The following MAML3 variants were observed in gnomAD, a reference collection of about 807,000 sequenced individuals.
MAML3 encodes the protein mastermind-like protein 3.
A neutral mutation model predicts 101.9 loss-of-function variants in MAML3; 27 were observed. The ratio of observed to expected loss-of-function variants is 0.27; its 90% CI spans 0.20 to 0.37. MAML3 has a LOEUF of 0.37. MAML3 is among the 10% of genes least tolerant of loss of function. The pLI is 1.00. For synonymous variants in MAML3, 501 were observed against 555.9 expected (o/e 0.90, Z 1.39); for missense variants, 1,316 against 1,444.9 (o/e 0.91, Z 1.45).
intron 2 of MAML3, among the ~76,000 whole-genome samples, chr4:139,746,970 ACCGGCC>A (rs1182821610): frequency 6.6e-6 from 1 of 152,082 alleles, no homozygotes; most frequent in Non-Finnish European, 1.5e-5. Context: ...ATTGTGGGCC[ACCGGCC>A]GTGGCTTTCC....
intron 1 of MAML3, among the ~76,000 whole-genome samples, chr4:139,948,140 T>TAAATAAATAAA (rs1412882544): frequency 1.0e-5 from 1 of 98,414 alleles, no homozygotes; most frequent in South Asian, 3.3e-4. Context: ...AAATAAATAA[T>TAAATAAATAAA]AAAAACTACC....
intron 1 of MAML3, among the ~76,000 whole-genome samples, chr4:140,097,692 G>A (rs1728186437): frequency 6.6e-6 from 1 of 152,146 alleles, no homozygotes; most frequent in Admixed American, 6.5e-5. Flanking sequence ...CAGAATGATG[G>A]GAAAGAAGCT....
intron 2 of MAML3, among the ~76,000 whole-genome samples, chr4:139,863,677 C>T (rs1302372804): frequency 2.0e-5 from 3 of 152,112 alleles, no homozygotes; most frequent in African/African-American, 7.2e-5. Context: ...AACATTGTTT[C>T]TTCCTCTCTC....
chr4:139,951,298 A>G (rs1326858394), intron 1 of MAML3, among the ~76,000 whole-genome samples: 1 of 152,242 alleles, frequency 6.6e-6, no homozygotes, highest in Non-Finnish European at 1.5e-5. Context: ...GTTGACAGTC[A>G]GCAATTTTGA....
At chr4:139,846,194 A>G (rs866267149) in intron 2 of MAML3, among the ~76,000 whole-genome samples, 1 of 152,244 alleles carries the variant, frequency 6.6e-6, no homozygotes, top group South Asian at 2.1e-4. Context: ...ACTATGGCTT[A>G]TAAGAAGCTA....
At chr4:139,866,621 T>G (rs1229436482) in intron 2 of MAML3, among the ~76,000 whole-genome samples, 1 of 152,190 alleles carries the variant, frequency 6.6e-6, no homozygotes. Context: ...GTGACCTATT[T>G]TTTTCTTTAT....
intron 2 of MAML3, among the ~76,000 whole-genome samples, chr4:139,865,450 C>G (rs1469019735): frequency 6.6e-6 from 1 of 151,220 alleles, no homozygotes; most frequent in Non-Finnish European, 1.5e-5. Context: ...TATCCCTTGT[C>G]CCTGAATTAC....
chr4:139,957,471 G>A (rs1448561372), intron 1 of MAML3, among the ~76,000 whole-genome samples: 4 of 152,186 alleles, frequency 2.6e-5, no homozygotes, highest in East Asian at 1.9e-4. Context: ...AAGACCATGG[G>A]ACGTATTTAG....
chr4:139,804,245 C>T (rs905976207), intron 2 of MAML3, among the ~76,000 whole-genome samples: 2 of 151,346 alleles, frequency 1.3e-5, no homozygotes, highest in South Asian at 2.1e-4. Flanking sequence ...ATGATACACA[C>T]ATACACAAGT....
At chr4:139,854,249 G>A (rs1428218487) in intron 2 of MAML3, among the ~76,000 whole-genome samples, 1 of 151,980 alleles carries the variant, frequency 6.6e-6, no homozygotes, top group Non-Finnish European at 1.5e-5. Context: ...CTGGCATGTA[G>A]AAGTGTTCAA....
At chr4:139,948,397 G>C (rs533396994) in intron 1 of MAML3, among the ~76,000 whole-genome samples, 1 of 152,310 alleles carries the variant, frequency 6.6e-6, no homozygotes, top group African/African-American at 2.4e-5. Context: ...TGGGCAATTA[G>C]ACCATGGCCA....
intron 1 of MAML3, among the ~76,000 whole-genome samples, chr4:139,922,954 AG>A: frequency 6.6e-6 from 1 of 152,302 alleles, no homozygotes; most frequent in South Asian, 2.1e-4. Context: ...GAGTGCTTGC[AG>A]GGGTGCCGGG....
intron 1 of MAML3, among the ~76,000 whole-genome samples, chr4:140,052,155 A>G (rs916526961): frequency 1.3e-5 from 2 of 152,232 alleles, no homozygotes; most frequent in African/African-American, 4.8e-5. Context: ...TGGTTCACAC[A>G]TAAGTTAAAT....
At chr4:139,924,661 A>G (rs6820591) in intron 1 of MAML3, among the ~76,000 whole-genome samples, 2,106 of 152,340 alleles carry the variant, frequency 0.014, 46 homozygotes, top group African/African-American at 0.047. Flanking sequence ...ATATTGAATA[A>G]CAAGCCAGAG....
intron 2 of MAML3, among the ~76,000 whole-genome samples, chr4:139,782,819 T>C (rs1730241322): frequency 6.6e-6 from 1 of 152,214 alleles, no homozygotes; most frequent in South Asian, 2.1e-4. Flanking sequence ...TCTGAGCTGC[T>C]GGAACATCTT....
At position 139,932,308 on chromosome 4, in the gene MAML3, G is replaced by A. The variant is rs10026956; in HGVS notation, c.469-41341C>T. 4.8e-3 allele frequency among the ~76,000 whole-genome samples: 726 copies of A among 152,010 alleles called. 2 individuals carry two copies. The highest frequency in any genetic ancestry group is 0.016 in the African/African-American group (665 of 41,446). ...CACCTAATTTGAACTAACTGGAATG[G>A]AAGGATGTAATCATGTGGGGAAAAA... On this transcript the variant is annotated intron_variant, in intron 1 of 4. Transcript: ENST00000509479.
chr4:139,981,388 G>C (rs1734440395), intron 1 of MAML3, among the ~76,000 whole-genome samples: 3 of 152,116 alleles, frequency 2.0e-5, no homozygotes, highest in African/African-American at 7.2e-5. Context: ...TTCAACATAT[G>C]AACATTGTGG....
chr4:140,060,468 A>T (rs1485209751), intron 1 of MAML3, among the ~76,000 whole-genome samples: 1 of 151,602 alleles, frequency 6.6e-6, no homozygotes, highest in Admixed American at 6.6e-5. Context: ...TGCTTCCCCA[A>T]TACAGCTCAG....
At chr4:139,952,027 T>C (rs948284718) in intron 1 of MAML3, among the ~76,000 whole-genome samples, 1 of 152,060 alleles carries the variant, frequency 6.6e-6, no homozygotes, top group Admixed American at 6.5e-5. Context: ...TAGCCGTGTG[T>C]AGCGGCGGGT....
Sources: gnomAD v4.1 joint callset for allele counts (sites outside exome capture counted in the v4.1 genomes callset) on GRCh38, gnomAD v4.1.1 for gene constraint, MANE v1.5 for transcripts, NCBI Gene and HGNC (gene_info 2026-07-23, HGNC 2026-07-21) for gene names.